ANKS1B: variants seen among roughly 807,000 people sequenced by gnomAD.
ANKS1B encodes ankyrin repeat and sterile alpha motif domain containing 1B.
In ANKS1B, 36 loss-of-function variants were observed where a neutral mutation model predicts 148.3. The observed-to-expected ratio is 0.24, with a 90% CI of 0.19 to 0.32. The LOEUF (loss-of-function observed/expected upper bound fraction) is 0.32, where lower values mean the gene tolerates loss of function less well. ANKS1B is among the 10% of genes least tolerant of loss of function. The pLI, the probability that ANKS1B is intolerant of heterozygous loss-of-function variation, is 1.00. For synonymous variants in ANKS1B, 542 were observed against 560.8 expected (o/e 0.97, Z 0.47); for missense variants, 1,157 against 1,542.6 (o/e 0.75, Z 4.19).
At chr12:99,528,432 C>CAAAAAAAAAAAAAA (rs537716638) in intron 9 of ANKS1B, among the ~76,000 whole-genome samples, 2 of 96,686 alleles carry the variant, frequency 2.1e-5, no homozygotes, top group East Asian at 5.0e-4. Flanking sequence ...AAAACAAAAA[C>CAAAAAAAAAAAAAA]AAAAAAAAAA....
intron 1 of ANKS1B, among the ~76,000 whole-genome samples, chr12:99,961,555 T>G (rs1257765725): frequency 2.0e-5 from 3 of 152,182 alleles, no homozygotes; most frequent in Admixed American, 6.5e-5. Context: ...GCCTGGCAGT[T>G]CAACATTTCC....
At chr12:99,092,025 A>G (rs1599788181) in intron 15 of ANKS1B, among the ~76,000 whole-genome samples, 1 of 152,334 alleles carries the variant, frequency 6.6e-6, no homozygotes, top group East Asian at 1.9e-4. Flanking sequence ...CGAAGCAACA[A>G]TGAACCCTCT....
chr12:98,859,832 C>T (rs1197514193), intron 17 of ANKS1B, among the ~76,000 whole-genome samples: 5 of 152,088 alleles, frequency 3.3e-5, no homozygotes, highest in African/African-American at 4.8e-5. Flanking sequence ...GGGAGGGAGG[C>T]TTTTCAGTCT....
At chr12:99,141,637 T>G (rs182497187) in intron 15 of ANKS1B, among the ~76,000 whole-genome samples, 83 of 151,852 alleles carry the variant, frequency 5.5e-4, no homozygotes, top group African/African-American at 1.9e-3. Context: ...TGTCCATGTG[T>G]TCTCATCATT....
At chr12:99,687,677 CAT>C (rs2098657378) in intron 8 of ANKS1B, among the ~76,000 whole-genome samples, 1 of 152,174 alleles carries the variant, frequency 6.6e-6, no homozygotes, top group South Asian at 2.1e-4. Flanking sequence ...CCACTTGAGT[CAT>C]TTTTTTCTTA....
chr12:98,937,058 G>T (rs2099819448), intron 17 of ANKS1B, among the ~76,000 whole-genome samples: 1 of 152,172 alleles, frequency 6.6e-6, no homozygotes, highest in Admixed American at 6.5e-5. Context: ...GTTCTGTGAA[G>T]AGTAGATTAA....
intron 17 of ANKS1B, among the ~76,000 whole-genome samples, chr12:98,921,469 T>C (rs1403481920): frequency 6.6e-6 from 1 of 152,224 alleles, no homozygotes; most frequent in African/African-American, 2.4e-5. Flanking sequence ...TTAATCTTAA[T>C]ACTATAATCT....
chr12:99,733,800 C>T (rs2059381715), intron 8 of ANKS1B, among the ~76,000 whole-genome samples: 1 of 152,178 alleles, frequency 6.6e-6, no homozygotes, highest in Non-Finnish European at 1.5e-5. Context: ...ACTCTTCAAT[C>T]TCCATAAACC....
chr12:99,302,863 C>T (rs2081854475), intron 12 of ANKS1B, among the ~76,000 whole-genome samples: 1 of 152,100 alleles, frequency 6.6e-6, no homozygotes, highest in African/African-American at 2.4e-5. Context: ...TAATCCAAAG[C>T]ATACTGAAAG....
chr12:98,809,326 C>T (rs17028703), intron 19 of ANKS1B, among the ~76,000 whole-genome samples: 4,309 of 152,316 alleles, frequency 0.028, 112 homozygotes, highest in East Asian at 0.13. Flanking sequence ...TCTCCAATAG[C>T]TCTCCTCTGA....
intron 8 of ANKS1B, among the ~76,000 whole-genome samples, chr12:99,759,030 C>T (rs916003507): frequency 1.3e-5 from 2 of 151,896 alleles, no homozygotes; most frequent in African/African-American, 4.8e-5. Flanking sequence ...AATGATCCCG[C>T]TTCTCACTAG....
intron 2 of ANKS1B, among the ~76,000 whole-genome samples, chr12:99,817,323 T>G (rs1035701734): frequency 1.3e-5 from 2 of 151,650 alleles, no homozygotes; most frequent in Non-Finnish European, 3.0e-5. Context: ...TGTCCATCCA[T>G]GTTGCTGCAA....
exon 10 of ANKS1B, chr12:98,734,972 G>A (rs1280363030): frequency 7.9e-6 from 3 of 381,820 alleles, no homozygotes; most frequent in Non-Finnish European, 1.4e-5. Context: ...TAGGAGCCAG[G>A]TGCGGTGGCA....
chr12:99,495,495 C>A lies in ANKS1B; in HGVS notation c.1438+8981G>T, dbSNP rs145839682. ...TATGGATGAAGGAGGCAGGTAATTC[C>A]CTTCAGGTACTGCTTTCCTTGATTT... On this transcript the variant is annotated intron_variant, in intron 10 of 26. Transcript: ENST00000683438. Among the ~76,000 whole-genome samples the A allele has an allele frequency of 3.4e-3, 522 of 152,134 alleles. 6 individuals are homozygous for A. Among genetic ancestry groups the A allele is most frequent in the African/African-American group, 0.011 (436 of 41,510 alleles).
intron 1 of ANKS1B, among the ~76,000 whole-genome samples, chr12:99,874,758 T>A (rs1300178533): frequency 1.3e-5 from 2 of 152,188 alleles, no homozygotes; most frequent in Non-Finnish European, 2.9e-5. Flanking sequence ...ACTTACAAGT[T>A]TTATAACTGG....
At chr12:98,933,535 A>G (rs1248539773) in intron 17 of ANKS1B, among the ~76,000 whole-genome samples, 1 of 152,130 alleles carries the variant, frequency 6.6e-6, no homozygotes, top group African/African-American at 2.4e-5. Flanking sequence ...TTGCTGGATC[A>G]TGTGGTAGAC....
chr12:99,915,271 C>T (rs2094138307), intron 1 of ANKS1B, among the ~76,000 whole-genome samples: 3 of 147,448 alleles, frequency 2.0e-5, no homozygotes. Flanking sequence ...CACACCTTCA[C>T]ATTGGTGGGA....
chr12:99,146,023 A>G (rs185196656), intron 15 of ANKS1B, among the ~76,000 whole-genome samples: 1 of 152,252 alleles, frequency 6.6e-6, no homozygotes, highest in East Asian at 1.9e-4. Context: ...ATGGAACTAT[A>G]TAGAATTATA....
At chr12:99,923,166 C>T (rs2094404693) in intron 1 of ANKS1B, among the ~76,000 whole-genome samples, 2 of 152,108 alleles carry the variant, frequency 1.3e-5, no homozygotes, top group African/African-American at 2.4e-5. Context: ...CCTTACATTG[C>T]TCTTGTTTTT....
Sources: gnomAD v4.1 joint callset for allele counts (sites outside exome capture counted in the v4.1 genomes callset) on GRCh38, gnomAD v4.1.1 for gene constraint, MANE v1.5 for transcripts, NCBI Gene and HGNC (gene_info 2026-07-23, HGNC 2026-07-21) for gene names.